Variants in DNAH6 observed in about 807,000 individuals in gnomAD.
DNAH6 encodes the protein axonemal beta dynein heavy chain 6.
In DNAH6, 340 loss-of-function variants were observed where a neutral mutation model predicts 491.4. That is an observed-to-expected ratio of 0.69 (90% confidence interval 0.63 to 0.76). DNAH6 has a LOEUF of 0.76. Ranked by LOEUF, DNAH6 falls within the 30% of genes least tolerant of loss-of-function variation. DNAH6 has a pLI of 0.00. For missense variants in DNAH6, 4,443 were observed against 4,972.2 expected (o/e 0.89, Z 3.20); for synonymous variants, 1,603 against 1,686.1 (o/e 0.95, Z 1.21).
chr2:84,604,502 T>C lies in DNAH6; in HGVS notation c.3032T>C (p.Ile1011Thr). The change falls in exon 19 of 77, where the codon ATA (isoleucine) becomes ACA (threonine). Residue 1011 changes from isoleucine (I) to threonine (T), a missense_variant. By Grantham distance (89) the Ile-to-Thr change is moderately conservative. Around this residue, in one of 3 missense-constraint regions of DNAH6, gnomAD observed 2,977 missense variants for 3,296.6 expected, o/e 0.90. Coordinates refer to ENST00000389394, the MANE Select transcript of DNAH6 (RefSeq NM_001370.2). ...VFDFGQEIQDISGQASGEAAL... is the reference protein window; with the variant it reads ...VFDFGQEIQDTSGQASGEAAL... ...GACTTTGGTCAAGAAATCCAGGACA[T>C]ATCTGGACAGGCTTCTGGAGAAGCT... 1.3e-6 allele frequency: 2 copies of C among 1,551,726 alleles called. No homozygotes were observed. Among genetic ancestry groups the C allele is most frequent in the Middle Eastern group, 3.3e-4 (2 of 5,992 alleles).
intron 42 of DNAH6, among the ~76,000 whole-genome samples, chr2:84,681,941 T>A (rs1693818740): frequency 1.3e-5 from 2 of 152,196 alleles, no homozygotes; most frequent in African/African-American, 4.8e-5. Context: ...TCTTCAAAGT[T>A]TCTTTTTTTA....
At chr2:84,803,305 G>T (rs186278614) in intron 70 of DNAH6, among the ~76,000 whole-genome samples, 2 of 152,206 alleles carry the variant, frequency 1.3e-5, no homozygotes, top group East Asian at 1.9e-4. Flanking sequence ...CAAAAGGGGG[G>T]AAAAGGAAGG....
the DNAH6 span, among the ~76,000 whole-genome samples, chr2:84,509,327 A>C: frequency 6.6e-6 from 1 of 152,160 alleles, no homozygotes; most frequent in African/African-American, 2.4e-5. Context: ...CTTTACCATT[A>C]TGTAATGGCC....
chr2:84,641,448 C>G (rs561191477), intron 32 of DNAH6, among the ~76,000 whole-genome samples: 1 of 152,202 alleles, frequency 6.6e-6, no homozygotes, highest in Admixed American at 6.5e-5. Context: ...TCCAGTGGGT[C>G]GTAGAGACAG....
chr2:84,748,338 G>T (rs1337280926), intron 63 of DNAH6, among the ~76,000 whole-genome samples: 2 of 152,116 alleles, frequency 1.3e-5, no homozygotes, highest in Non-Finnish European at 2.9e-5. Context: ...ATTGTAGGCT[G>T]TTAGAAGGAG....
intron 31 of DNAH6, among the ~76,000 whole-genome samples, chr2:84,637,660 T>C (rs918959044): frequency 3.3e-5 from 5 of 152,172 alleles, no homozygotes; most frequent in Non-Finnish European, 5.9e-5. Context: ...TTTCAGTTCC[T>C]CTCTAGGAAT....
At chr2:84,721,180 C>T (rs1359583940) in intron 59 of DNAH6, among the ~76,000 whole-genome samples, 1 of 152,208 alleles carries the variant, frequency 6.6e-6, no homozygotes, top group Non-Finnish European at 1.5e-5. Context: ...TCTACATTAT[C>T]AGTGCCTTGT....
Position 84,705,556 on chromosome 2 carries a change from A to C in DNAH6, c.8536A>C (p.Lys2846Gln). ...NFLKRLLEYD[K>Q]ENIKPQILAK... The stretch of plus-strand genomic sequence containing the variant: ...TCTAAAAAGGCTTTTAGAATATGAT[A>C]AGGAGAACATAAAGCCTCAGATATT... Residue 2846 changes from lysine (K) to glutamine (Q), a missense_variant, in exon 52 of 77, where the codon AAG becomes CAG. Lys to Gln is a moderately conservative substitution (Grantham distance 53, BLOSUM62 1). Transcript: ENST00000389394. The C allele has an allele frequency of 5.8e-6, 9 of 1,551,638 alleles. No individual in the cohort carries two copies. The highest frequency in any genetic ancestry group is 1.2e-5 in the South Asian group (1 of 84,058).
At chr2:84,652,307 G>A (rs1173527057) in intron 33 of DNAH6, among the ~76,000 whole-genome samples, 1 of 151,992 alleles carries the variant, frequency 6.6e-6, no homozygotes, top group East Asian at 1.9e-4. Flanking sequence ...GAGGCCAAAT[G>A]TAGTAGCCTA....
chr2:84,552,841 C>A, intron 9 of DNAH6, 77 bp from the exon 10 acceptor site: 3 of 715,650 alleles, frequency 4.2e-6, no homozygotes, highest in Non-Finnish European at 4.5e-6. Flanking sequence ...CTTCAGTTTA[C>A]ATGTCCCTTG....
rs536295981 is a variant in DNAH6 at position 84,788,895 on chromosome 2, T to A, written c.11239+1593T>A. ...GAAAGGTGTTGTAGTTCTTACAAATTTGGATCTTCATCTATGTTGAAAATT... is the reference window on the plus strand; with the variant it reads ...GAAAGGTGTTGTAGTTCTTACAAATATGGATCTTCATCTATGTTGAAAATT... On this transcript the variant is annotated intron_variant, in intron 68 of 76. Coordinates refer to ENST00000389394, the MANE Select transcript of DNAH6 (RefSeq NM_001370.2). 2.6e-5 allele frequency among the ~76,000 whole-genome samples: 4 copies of A among 152,310 alleles called. No homozygotes were observed. In the East Asian group the frequency reaches 7.7e-4, roughly 29 times the overall value.
intron 70 of DNAH6, among the ~76,000 whole-genome samples, chr2:84,802,455 C>T (rs1053293635): frequency 6.6e-6 from 1 of 152,002 alleles, no homozygotes; most frequent in African/African-American, 2.4e-5. Context: ...TAAAAAAGGA[C>T]AAAGAGGGCA....
intron 2 of DNAH6, among the ~76,000 whole-genome samples, chr2:84,523,250 A>T (rs1484283108): frequency 6.6e-6 from 1 of 152,064 alleles, no homozygotes; most frequent in Non-Finnish European, 1.5e-5. Context: ...TATGGTATTC[A>T]TAGTAATCAC....
chr2:84,483,532 A>G, the DNAH6 span, among the ~76,000 whole-genome samples: 1 of 152,164 alleles, frequency 6.6e-6, no homozygotes, highest in Non-Finnish European at 1.5e-5. Flanking sequence ...TTGCACAGTC[A>G]TGGTGGGTTA....
At chr2:84,695,939 A>G (rs1173882093) in intron 46 of DNAH6, among the ~76,000 whole-genome samples, 1 of 152,018 alleles carries the variant, frequency 6.6e-6, no homozygotes, top group Non-Finnish European at 1.5e-5. Context: ...ATCAATCTCA[A>G]ATGTTCTACA....
intron 62 of DNAH6, among the ~76,000 whole-genome samples, chr2:84,737,647 CT>C (rs1699627726): frequency 6.6e-6 from 1 of 151,598 alleles, no homozygotes; most frequent in Non-Finnish European, 1.5e-5. Context: ...TCTGAGGATC[CT>C]TTATATTTCG....
intron 22 of DNAH6, 81 bp downstream of exon 22, chr2:84,611,935 C>G: frequency 8.1e-7 from 1 of 1,229,396 alleles, no homozygotes; most frequent in Non-Finnish European, 1.1e-6. Context: ...TAAAATGTTT[C>G]TCTGGGAATC....
intron 70 of DNAH6, among the ~76,000 whole-genome samples, chr2:84,798,954 G>C (rs1475724872): frequency 6.6e-6 from 1 of 151,760 alleles, no homozygotes; most frequent in Non-Finnish European, 1.5e-5. Flanking sequence ...TTGTATGCCA[G>C]CAAGGGAGCT....
At chr2:84,504,283 G>T in the DNAH6 span, among the ~76,000 whole-genome samples, 145,230 of 152,168 alleles carry the variant, frequency 0.95, 69,342 homozygotes, top group East Asian at 1. Flanking sequence ...TTTGTTAAAT[G>T]TATCTGATAG....
Sources: allele counts gnomAD v4.1 joint callset (sites outside exome capture counted in the v4.1 genomes callset), GRCh38; gene constraint gnomAD v4.1.1; regional missense constraint gnomAD v4.1.1; transcripts MANE v1.5; gene names NCBI Gene and HGNC (gene_info 2026-07-23, HGNC 2026-07-21).